PLCD1: variants seen among roughly 807,000 people sequenced by gnomAD.
The protein encoded by PLCD1 is 1-phosphatidylinositol 4,5-bisphosphate phosphodiesterase delta-1.
Under a neutral mutation model 87.4 loss-of-function variants are expected in PLCD1, and 71 were observed. The observed-to-expected ratio is 0.81, with a 90% confidence interval of 0.67 to 0.99. PLCD1 has a LOEUF of 0.99. PLCD1 is among the 50% of genes least tolerant of loss of function. The probability of loss-of-function intolerance (pLI) is 0.00; values close to 1 mark genes in which losing one functional copy is unlikely to be tolerated. For missense variants in PLCD1, 867 were observed against 1,001.5 expected (o/e 0.87, Z 1.81); for synonymous variants, 348 against 399.2 (o/e 0.87, Z 1.53).
At position 38,025,047 on chromosome 3, in the gene PLCD1, G is replaced by A. The variant is rs909751841; in HGVS notation, c.34+4459C>T. On this transcript the variant is annotated intron_variant, in intron 1 of 14. Coordinates refer to ENST00000334661, the MANE Select transcript of PLCD1 (RefSeq NM_006225.4). The surrounding 1 kb of genome is among the most constrained non-coding windows in gnomAD (Gnocchi z 4.0). Reference sequence around the variant, plus strand: ...AGCCAAGGCAGCGGGGCGAAGGAGGGGCCAGGCTCAGAGGCGGAGCTCAGG... The same window carrying A: ...AGCCAAGGCAGCGGGGCGAAGGAGGAGCCAGGCTCAGAGGCGGAGCTCAGG... Among the ~76,000 whole-genome samples the A allele has an allele frequency of 1.3e-5, 2 of 151,670 alleles. No homozygotes were observed. The highest frequency in any genetic ancestry group is 2.4e-5 in the African/African-American group (1 of 41,268).
chr3:38,014,418 GC>G (rs1700125547), intron 3 of PLCD1: 1 of 153,688 alleles, frequency 6.5e-6, no homozygotes, highest in Non-Finnish European at 1.5e-5. Context: ...CAGGCCCAGC[GC>G]AGTGGCTCAC....
rs747307152 is a variant in PLCD1, at chr3:38,009,767, C to G, written c.1332G>C (p.Gly444=). The change falls in exon 9 of 15, where the codon GGG becomes GGC. Residue 444 remains glycine (G), a synonymous_variant. Coordinates refer to ENST00000334661, the MANE Select transcript of PLCD1 (RefSeq NM_006225.4). The part of the protein sequence containing the change: ...KILLKGKKLG[G]LLPPGGEGGP... ...CACCCTCCCCTCCAGGGGGCAGGAG[C>G]CCCCCGAGCTTCTTCCCCTTCAGCA... The G allele has an allele frequency of 1.9e-6, 3 of 1,613,990 alleles. No individual in the cohort carries two copies. The highest frequency in any genetic ancestry group is 2.2e-5 in the East Asian group (1 of 44,864).
intron 3 of PLCD1, among the ~76,000 whole-genome samples, chr3:38,013,875 A>C (rs2125546425): frequency 6.6e-6 from 1 of 152,386 alleles, no homozygotes; most frequent in East Asian, 1.9e-4. Context: ...GCTCAAAAGC[A>C]CACAGAAAAG....
At chr3:38,029,387 G>A in intron 1 of PLCD1, 119 bp downstream of exon 1, 1 of 876,988 alleles carries the variant, frequency 1.1e-6, no homozygotes, top group Non-Finnish European at 1.8e-6. Context: ...GCAGAGAGGC[G>A]GGCCCGGGGT....
chr3:38,026,467 C>T (rs1158318556), intron 1 of PLCD1, among the ~76,000 whole-genome samples: 2 of 152,144 alleles, frequency 1.3e-5, no homozygotes, highest in Non-Finnish European at 2.9e-5. Context: ...TTCGGTAAGC[C>T]GAGATGGCGC....
rs567931994 is a variant in PLCD1 at position 38,018,555 on chromosome 3, G to T, written c.199+1633C>A. On this transcript the variant is annotated intron_variant, in intron 2 of 14. Coordinates refer to ENST00000334661, the MANE Select transcript of PLCD1 (RefSeq NM_006225.4). This position sits in a 1 kb window ranked among gnomAD's most constrained non-coding sequence, Gnocchi z 5.7. Reference sequence around the variant, plus strand: ...GCCAGCTCAAATGTGGTTCCTGCGGGGAAAGGCCTGGGTCTTCCACTCCTC... The same window carrying T: ...GCCAGCTCAAATGTGGTTCCTGCGGTGAAAGGCCTGGGTCTTCCACTCCTC... Among the ~76,000 whole-genome samples the T allele has an allele frequency of 6.6e-6, 1 of 152,268 alleles. No individual in the cohort carries two copies. Among genetic ancestry groups the T allele is most frequent in the South Asian group, 2.1e-4 (1 of 4,830 alleles).
Position 38,007,790 on chromosome 3 carries a change from T to G in PLCD1, c.2254A>C (p.Ile752Leu), listed in dbSNP as rs373363348. The G allele has an allele frequency of 1.1e-5, 17 of 1,613,842 alleles. No individual in the cohort carries two copies. The African/African-American group carries it at 1.2e-4, about 11-fold the overall frequency. ...CCTCCAGCCTAGTCCTGGAGGGAGA[T>G]CTTCACAAAGAGGGTGGCTGATGGA... ...QHPSATLFVK[I>L]SLQD The change falls in exon 15 of 15, where the codon ATC (isoleucine) becomes CTC (leucine). Residue 752 changes from isoleucine (I) to leucine (L), a missense_variant. By Grantham distance (5) the Ile-to-Leu change is conservative (BLOSUM62 2). Transcript: ENST00000334661.
At position 38,020,291 on chromosome 3, in the gene PLCD1, C is replaced by A; in HGVS notation, c.96G>T (p.Lys32Asn). ...LLKGSQLLKV[K>N]SSSWRRERFY... ...AGCGCTCTCTCCTCCATGAGCTGGA[C>A]TTCACCTTCAGGAGCTGGCTGCCCT... The change falls in exon 2 of 15, where the codon AAG becomes AAT. Residue 32 changes from lysine to asparagine, a missense_variant. Coordinates refer to ENST00000334661, the MANE Select transcript of PLCD1 (RefSeq NM_006225.4). 1 of 1,614,104 alleles carries A rather than the reference C, an allele frequency of 6.2e-7. No individual in the cohort carries two copies.
chr3:38,017,454 T>G lies in PLCD1; in HGVS notation c.200-735A>C, dbSNP rs1700175144. ...CCAAGAGGCAAACTGGAGGGTCTCC[T>G]GCAGGGTTCTGAGAGATTACATCAT... On this transcript the variant is annotated intron_variant, in intron 2 of 14. Coordinates refer to ENST00000334661, the MANE Select transcript of PLCD1 (RefSeq NM_006225.4). The surrounding 1 kb of genome is among the most constrained non-coding windows in gnomAD (Gnocchi z 4.7). Among the ~76,000 whole-genome samples, 1 of 152,132 alleles carries G rather than the reference T, an allele frequency of 6.6e-6. No homozygotes were observed. The highest frequency in any genetic ancestry group is 1.5e-5 in the Non-Finnish European group (1 of 68,010).
In PLCD1 at chr3:38,008,927, A is replaced by G. The variant is rs956782637; in HGVS notation, c.1723+115T>C. On this transcript the variant is annotated intron_variant, in intron 11 of 14. Transcript: ENST00000334661. Reference sequence around the variant, plus strand: ...TATTACCAGCTCCACAAGCCCCTGCATTTGACCCTGCTTGGGTCCTCAGAG... The same window carrying G: ...TATTACCAGCTCCACAAGCCCCTGCGTTTGACCCTGCTTGGGTCCTCAGAG... The G allele has an allele frequency of 1.7e-5, 14 of 832,498 alleles. No homozygotes were observed. In the African/African-American group the frequency reaches 2.4e-4, roughly 14 times the overall value. The allele number at this position is 832,498 out of a possible 1,614,324, so 51.6% of individuals were successfully genotyped here. A position where few individuals can be genotyped will look rare whatever the true frequency, so the allele number is the denominator to read the frequency against.
At position 38,016,355 on chromosome 3, in the gene PLCD1, C is replaced by T. The variant is rs900755158; in HGVS notation, c.428+136G>A. 8.5e-6 allele frequency: 6 copies of T among 703,020 alleles called. No individual in the cohort carries two copies. The Admixed American group carries it at 1.0e-4, about 12-fold the overall frequency. 43.5% of individuals were successfully genotyped at this position (703,020 alleles called of 1,614,324 possible). ...CCACACTGTGAGAAAATAAATTATGCTGTTTAAGCCACCTATGATATTTTG... is the reference window on the plus strand; with the variant it reads ...CCACACTGTGAGAAAATAAATTATGTTGTTTAAGCCACCTATGATATTTTG... On this transcript the variant is annotated intron_variant, in intron 3 of 14. Coordinates refer to ENST00000334661, the MANE Select transcript of PLCD1 (RefSeq NM_006225.4).
At position 38,009,108 on chromosome 3, in the gene PLCD1, C is replaced by T. The variant is rs375683615; in HGVS notation, c.1657G>A (p.Ala553Thr). The change falls in exon 11 of 15, where the codon GCT (alanine) becomes ACT (threonine). Residue 553 changes from alanine to threonine, a missense_variant. Coordinates refer to ENST00000334661, the MANE Select transcript of PLCD1 (RefSeq NM_006225.4). ...NVGHLSRIYP[A>T]GWRTDSSNYS... ...TTGGAGGAGTCTGTTCTCCATCCAG[C>T]CGGGTAGATTCTGCTCAGGTGCCCC... 1.2e-4 allele frequency: 198 copies of T among 1,613,984 alleles called. No individual in the cohort carries two copies. The highest frequency in any genetic ancestry group is 8.7e-5 in the Non-Finnish European group (103 of 1,180,018).
intron 1 of PLCD1, chr3:38,024,773 G>C: frequency 1.5e-6 from 2 of 1,294,590 alleles, no homozygotes; most frequent in Non-Finnish European, 2.0e-6. Flanking sequence ...AATACAGGAG[G>C]CGGGACGAGA....
At chr3:38,023,329 G>A (rs1700261514) in intron 1 of PLCD1, among the ~76,000 whole-genome samples, 1 of 152,082 alleles carries the variant, frequency 6.6e-6, no homozygotes, top group Admixed American at 6.6e-5. Context: ...ACTGTCACAG[G>A]GAGTTGCACA....
At chr3:38,013,845 C>G (rs1700118739) in intron 3 of PLCD1, among the ~76,000 whole-genome samples, 1 of 152,180 alleles carries the variant, frequency 6.6e-6, no homozygotes. Flanking sequence ...TGAGAAATAA[C>G]ACTTAAAAGT....
rs1355852149 is a variant in PLCD1, at chr3:38,017,583, CCA to C, written c.200-866_200-865del. ...TCTACCCCCGCTTCCAATGTGCCCTCCATGGCCTGGCCAGGAGCCAGTTCTTC... is the reference window on the plus strand; with the variant it reads ...TCTACCCCCGCTTCCAATGTGCCCTCTGGCCTGGCCAGGAGCCAGTTCTTC... On this transcript the variant is annotated intron_variant, in intron 2 of 14. Transcript: ENST00000334661. This position sits in a 1 kb window ranked among gnomAD's most constrained non-coding sequence, Gnocchi z 4.7. Among the ~76,000 whole-genome samples the C allele has an allele frequency of 6.6e-6, 1 of 152,172 alleles. No homozygotes were observed. The highest frequency in any genetic ancestry group is 6.5e-5 in the Admixed American group (1 of 15,292).
In PLCD1 at chr3:38,009,072, C is replaced by A. The variant is rs777977789; in HGVS notation, c.1693G>T (p.Val565Leu). 1 of 1,613,560 alleles carries A rather than the reference C, an allele frequency of 6.2e-7. No homozygotes were observed. Residue 565 changes from valine (V) to leucine (L), a missense_variant, in exon 11 of 15, where the codon GTG (valine) becomes TTG (leucine). Coordinates refer to ENST00000334661, the MANE Select transcript of PLCD1 (RefSeq NM_006225.4). ...WRTDSSNYSPVEMWNGGCQIV... is the reference protein window; with the variant it reads ...WRTDSSNYSPLEMWNGGCQIV... ...TGGCAGCCCCCATTCCACATCTCCA[C>A]GGGGCTGTAGTTGGAGGAGTCTGTT...
At chr3:38,012,115 C>A (rs1700089237) in intron 3 of PLCD1, among the ~76,000 whole-genome samples, 1 of 148,072 alleles carries the variant, frequency 6.8e-6, no homozygotes. Flanking sequence ...GCAGCCTAGA[C>A]CTCTCAGGCT....
chr3:38,024,046 G>T, intron 1 of PLCD1: 2 of 451,538 alleles, frequency 4.4e-6, no homozygotes, highest in Non-Finnish European at 8.0e-6. Flanking sequence ...CCACATACAC[G>T]GTGCCTCAGA....
Sources: allele counts gnomAD v4.1 joint callset (sites outside exome capture counted in the v4.1 genomes callset), GRCh38; gene constraint gnomAD v4.1.1; non-coding constraint Gnocchi (gnomAD v3.1); transcripts MANE v1.5; gene names NCBI Gene and HGNC (gene_info 2026-07-23, HGNC 2026-07-21).